Variants in CAST observed in about 807,000 individuals in gnomAD.
CAST encodes the protein MIR583 host.
Under a neutral mutation model 119.6 loss-of-function variants are expected in CAST, and 76 were observed. The ratio of observed to expected loss-of-function variants is 0.64; its 90% CI spans 0.53 to 0.77. The LOEUF (loss-of-function observed/expected upper bound fraction) is 0.77. CAST is among the 30% of genes least tolerant of loss of function. The probability of loss-of-function intolerance (pLI) is 0.00; values close to 1 mark genes in which losing one functional copy is unlikely to be tolerated. For synonymous variants in CAST, 319 were observed against 331.6 expected (o/e 0.96, Z 0.41); for missense variants, 953 against 946.5 (o/e 1.01, Z -0.09).
At chr5:96,472,947 A>G in the CAST span, among the ~76,000 whole-genome samples, 2 of 152,150 alleles carry the variant, frequency 1.3e-5, no homozygotes, top group Non-Finnish European at 2.9e-5. Flanking sequence ...TTTTCAGTAC[A>G]TAGCAGCCCG....
the CAST span, among the ~76,000 whole-genome samples, chr5:96,071,619 C>G: frequency 6.6e-6 from 1 of 152,130 alleles, no homozygotes; most frequent in Non-Finnish European, 1.5e-5. Context: ...CAGCCTAGAC[C>G]TACTTTTCTT....
chr5:96,449,280 A>G, the CAST span, among the ~76,000 whole-genome samples: 2 of 152,210 alleles, frequency 1.3e-5, no homozygotes, highest in African/African-American at 4.8e-5. Context: ...ATGGAACAGT[A>G]AAGGTCCGTG....
chr5:96,420,899 T>C, the CAST span, among the ~76,000 whole-genome samples: 4 of 152,132 alleles, frequency 2.6e-5, no homozygotes, highest in Non-Finnish European at 4.4e-5. Context: ...ATGTGACATA[T>C]ACCAAGAGCT....
At chr5:96,483,763 C>G in the CAST span, among the ~76,000 whole-genome samples, 1 of 152,112 alleles carries the variant, frequency 6.6e-6, no homozygotes, top group Non-Finnish European at 1.5e-5. Context: ...ATAGCTCTAT[C>G]TTGATTTATA....
chr5:96,077,672 C>G, the CAST span, among the ~76,000 whole-genome samples: 76 of 152,208 alleles, frequency 5.0e-4, no homozygotes, highest in African/African-American at 1.7e-3. Flanking sequence ...TGACACCTTC[C>G]TTCTCCCTTT....
chr5:96,662,795 G>T (rs547149268), intron 1 of CAST, among the ~76,000 whole-genome samples: 1 of 152,226 alleles, frequency 6.6e-6, no homozygotes, highest in Non-Finnish European at 1.5e-5. Context: ...GATGAACGGG[G>T]AATGAGGTTC....
At chr5:96,356,438 GT>G in the CAST span, among the ~76,000 whole-genome samples, 3 of 152,130 alleles carry the variant, frequency 2.0e-5, no homozygotes, top group African/African-American at 7.2e-5. Flanking sequence ...TATTGCCCAG[GT>G]TTTATTTTAG....
At chr5:96,052,967 A>AAG in the CAST span, among the ~76,000 whole-genome samples, 2 of 152,156 alleles carry the variant, frequency 1.3e-5, no homozygotes, top group African/African-American at 4.8e-5. Context: ...CAGCCCTCTG[A>AAG]AGTGGTATGG....
chr5:96,132,647 T>C, the CAST span, among the ~76,000 whole-genome samples: 6 of 152,094 alleles, frequency 3.9e-5, no homozygotes, highest in African/African-American at 1.4e-4. Context: ...TGAGTGACAA[T>C]GTGTGATAAG....
rs1267980105 is a variant in CAST at position 96,757,494 on chromosome 5, A to G, written c.1761A>G (p.Pro587=). 6 of 1,614,082 alleles carry G rather than the reference A, an allele frequency of 3.7e-6. No individual in the cohort carries two copies. The highest frequency in any genetic ancestry group is 5.1e-6 in the Non-Finnish European group (6 of 1,179,926). Residue 587 remains proline, a splice_region_variant and synonymous_variant, in exon 23 of 32, where the codon CCA becomes CCG. Coordinates refer to ENST00000675179, the MANE Select transcript of CAST (RefSeq NM_001750.7). Reference sequence around the variant, plus strand: ...CAAAAGAGTCTAAGGAACAGCTTCCAGTAAGCAAACCAGTTTTCTCTGAGG... The same window carrying G: ...CAAAAGAGTCTAAGGAACAGCTTCCGGTAAGCAAACCAGTTTTCTCTGAGG... ...LLPKESKEQL[P]PMSEDFLLDA...
the CAST span, among the ~76,000 whole-genome samples, chr5:96,036,075 G>C: frequency 2.7e-5 from 4 of 148,290 alleles, no homozygotes; most frequent in East Asian, 7.9e-4. Context: ...TTTATTTTCA[G>C]TTAAAAAAAA....
the CAST span, among the ~76,000 whole-genome samples, chr5:96,218,816 C>G: frequency 6.6e-6 from 1 of 152,198 alleles, no homozygotes; most frequent in Admixed American, 6.5e-5. Flanking sequence ...GAGAGAGGCA[C>G]AGCAGGCCGG....
the CAST span, among the ~76,000 whole-genome samples, chr5:96,237,244 A>G: frequency 1.3e-5 from 2 of 152,166 alleles, no homozygotes; most frequent in African/African-American, 2.4e-5. Context: ...AGAGAGAAGT[A>G]TGGCCTGAGA....
intron 1 of CAST, among the ~76,000 whole-genome samples, chr5:96,531,530 A>G (rs1218071826): frequency 6.6e-6 from 1 of 152,224 alleles, no homozygotes; most frequent in East Asian, 1.9e-4. Flanking sequence ...ACTTTAATGT[A>G]AAATCTATAA....
At chr5:96,495,314 A>G in the CAST span, among the ~76,000 whole-genome samples, 1 of 152,024 alleles carries the variant, frequency 6.6e-6, no homozygotes, top group African/African-American at 2.4e-5. Context: ...GGTTAGTTAC[A>G]CAGGTATACA....
At chr5:96,237,209 C>T in the CAST span, among the ~76,000 whole-genome samples, 1 of 152,062 alleles carries the variant, frequency 6.6e-6, no homozygotes, top group Admixed American at 6.6e-5. Flanking sequence ...GCTTAGGTGG[C>T]CCTAAAGAGG....
chr5:96,282,091 T>C, the CAST span, among the ~76,000 whole-genome samples: 1 of 145,064 alleles, frequency 6.9e-6, no homozygotes, highest in African/African-American at 2.6e-5. Context: ...CCCGTGGTGG[T>C]GATGAGGGTA....
At chr5:96,311,711 G>C in the CAST span, among the ~76,000 whole-genome samples, 4 of 151,794 alleles carry the variant, frequency 2.6e-5, no homozygotes, top group Admixed American at 1.3e-4. Flanking sequence ...TCTGACATAA[G>C]TATTGATATT....
chr5:96,241,112 G>A, the CAST span, among the ~76,000 whole-genome samples: 1 of 151,616 alleles, frequency 6.6e-6, no homozygotes, highest in Non-Finnish European at 1.5e-5. Context: ...TGCACAATGT[G>A]CAGGTTAGTT....
Sources: gnomAD v4.1 joint callset for allele counts (sites outside exome capture counted in the v4.1 genomes callset) on GRCh38, gnomAD v4.1.1 for gene constraint, MANE v1.5 for transcripts, NCBI Gene and HGNC (gene_info 2026-07-23, HGNC 2026-07-21) for gene names.